RANBP2: variants seen among roughly 807,000 people sequenced by gnomAD.
RANBP2 encodes E3 SUMO-protein ligase RanBP2.
RANBP2 carries 57 observed loss-of-function variants against 303.6 expected under a neutral mutation model. That is an observed-to-expected ratio of 0.19 (90% CI 0.15 to 0.23). The LOEUF is 0.23. Ranked by LOEUF, RANBP2 falls within the 10% of genes least tolerant of loss-of-function variation. The pLI, the probability that RANBP2 is intolerant of heterozygous loss-of-function variation, is 1.00. For synonymous variants in RANBP2, 1,167 were observed against 1,301.5 expected, an observed-to-expected ratio of 0.90 and a Z score of 2.23; for missense variants, 3,138 against 3,780.8, an observed-to-expected ratio of 0.83 and a Z score of 4.46.
the RANBP2 span, among the ~76,000 whole-genome samples, chr2:109,723,361 G>C: frequency 2.0e-5 from 3 of 152,106 alleles, no homozygotes; most frequent in Non-Finnish European, 4.4e-5. Context: ...TGTTGGCCAG[G>C]CTGGTCTCAA....
chr2:109,379,422 C>T, the RANBP2 span, among the ~76,000 whole-genome samples: 50,469 of 151,948 alleles, frequency 0.33, 8,608 homozygotes, highest in Non-Finnish European at 0.37. Context: ...ACTCTCCAGG[C>T]GAGCCCCTCG....
At chr2:109,505,986 G>A in the RANBP2 span, among the ~76,000 whole-genome samples, 1 of 152,198 alleles carries the variant, frequency 6.6e-6, no homozygotes, top group South Asian at 2.1e-4. Flanking sequence ...CAACCCATCA[G>A]GGCCTGGTGC....
chr2:109,184,701 C>G, the RANBP2 span, among the ~76,000 whole-genome samples: 1 of 152,228 alleles, frequency 6.6e-6, no homozygotes, highest in African/African-American at 2.4e-5. Context: ...CACCAGGAAG[C>G]AGCCTCTCCA....
chr2:108,965,477 A>AG, the RANBP2 span, among the ~76,000 whole-genome samples: 1 of 151,566 alleles, frequency 6.6e-6, no homozygotes, highest in African/African-American at 2.4e-5. Context: ...AAAAAAAAAA[A>AG]AAGATAATAA....
At chr2:109,302,298 A>G in the RANBP2 span, among the ~76,000 whole-genome samples, 2 of 152,332 alleles carry the variant, frequency 1.3e-5, no homozygotes, top group South Asian at 2.1e-4. Flanking sequence ...GTAATCATCC[A>G]TAACAGCATA....
At chr2:109,617,968 C>A in the RANBP2 span, 1 of 157,878 alleles carries the variant, frequency 6.3e-6, no homozygotes. Flanking sequence ...GCAGTTGAGC[C>A]AAGATCACGA....
At chr2:109,411,706 A>G in the RANBP2 span, among the ~76,000 whole-genome samples, 1 of 152,070 alleles carries the variant, frequency 6.6e-6, no homozygotes, top group African/African-American at 2.4e-5. Flanking sequence ...ACCACACCAC[A>G]CACCCATGCT....
the RANBP2 span, among the ~76,000 whole-genome samples, chr2:109,356,810 A>G: frequency 6.6e-6 from 1 of 152,102 alleles, no homozygotes. Context: ...GTGACTGAAA[A>G]TAAGCCTGGT....
rs142768885 is a variant in RANBP2, at chr2:108,763,765, T to G, written c.3226T>G (p.Leu1076Val). The change falls in exon 20 of 29, where the codon TTG becomes GTG. Residue 1076 changes from leucine to valine, a missense_variant. This residue lies in a region of RANBP2 where 403 missense variants were observed against 376.7 expected (regional missense o/e 1.07). Coordinates refer to ENST00000283195, the MANE Select transcript of RANBP2 (RefSeq NM_006267.5). The part of the protein sequence containing the change: ...LLGLLTSDKP[L>V]QGDGYSGAKP... ...AGGTCTCCTGACTTCAGATAAACCC[T>G]TGCAAGGAGATGGCTATAGTGGAGC... The G allele has an allele frequency of 1.0e-3, 1,666 of 1,613,942 alleles. 3 individuals carry two copies. Among genetic ancestry groups the G allele is most frequent in the Non-Finnish European group, 1.3e-3 (1,557 of 1,179,976 alleles).
At chr2:109,742,511 A>AT in the RANBP2 span, among the ~76,000 whole-genome samples, 1 of 148,818 alleles carries the variant, frequency 6.7e-6, no homozygotes, top group Admixed American at 6.7e-5. Context: ...CAAAACTCTG[A>AT]TAAAAAAATA....
chr2:109,377,357 G>A, the RANBP2 span, among the ~76,000 whole-genome samples: 2 of 152,152 alleles, frequency 1.3e-5, no homozygotes, highest in African/African-American at 4.8e-5. Flanking sequence ...TGCTGATGAT[G>A]AGCCTCCTAG....
At chr2:109,316,823 C>T in the RANBP2 span, among the ~76,000 whole-genome samples, 47,465 of 152,128 alleles carry the variant, frequency 0.31, 9,181 homozygotes, top group African/African-American at 0.55. Flanking sequence ...CTGGCCTCAC[C>T]CTCTGGCTGC....
the RANBP2 span, among the ~76,000 whole-genome samples, chr2:108,945,965 T>C: frequency 2.6e-5 from 4 of 152,190 alleles, no homozygotes; most frequent in African/African-American, 9.7e-5. Flanking sequence ...TTCCTCAAAA[T>C]AAAAGACAGT....
At chr2:108,794,176 CACTT>C in the RANBP2 span, among the ~76,000 whole-genome samples, 11 of 152,158 alleles carry the variant, frequency 7.2e-5, no homozygotes, top group Non-Finnish European at 1.5e-4. Flanking sequence ...CAGCATGTAA[CACTT>C]ACTTGCATTA....
the RANBP2 span, among the ~76,000 whole-genome samples, chr2:109,084,510 C>T: frequency 6.6e-6 from 1 of 152,180 alleles, no homozygotes; most frequent in Non-Finnish European, 1.5e-5. Context: ...CTGGAAGTCT[C>T]TACAACAGGA....
At chr2:108,879,871 A>G in the RANBP2 span, among the ~76,000 whole-genome samples, 2 of 152,172 alleles carry the variant, frequency 1.3e-5, no homozygotes, top group African/African-American at 4.8e-5. Context: ...CAACCTTCAA[A>G]TTTATTGGAA....
the RANBP2 span, among the ~76,000 whole-genome samples, chr2:109,130,566 G>T: frequency 6.6e-6 from 1 of 152,126 alleles, no homozygotes. Flanking sequence ...CCTGCCTGCG[G>T]TGTGGCTAAG....
chr2:108,963,701 A>C, the RANBP2 span, among the ~76,000 whole-genome samples: 1 of 152,242 alleles, frequency 6.6e-6, no homozygotes, highest in Non-Finnish European at 1.5e-5. Context: ...AGAGCACTGC[A>C]GAATGTTGCG....
At chr2:109,494,045 C>T in the RANBP2 span, among the ~76,000 whole-genome samples, 2 of 152,116 alleles carry the variant, frequency 1.3e-5, no homozygotes, top group Non-Finnish European at 1.5e-5. Context: ...GTTGGTCTGC[C>T]GGCTCGTGAG....
Sources: allele counts gnomAD v4.1 joint callset (sites outside exome capture counted in the v4.1 genomes callset), GRCh38; gene constraint gnomAD v4.1.1; regional missense constraint gnomAD v4.1.1; transcripts MANE v1.5; gene names NCBI Gene and HGNC (gene_info 2026-07-23, HGNC 2026-07-21).